Variants in PKLR observed in about 807,000 individuals in gnomAD.
PKLR encodes pyruvate kinase L/R.
Under a neutral mutation model 53.6 loss-of-function variants are expected in PKLR, and 38 were observed. That is an observed-to-expected ratio of 0.71 (90% CI 0.55 to 0.93). The LOEUF is 0.93. Among genes scored for constraint, PKLR ranks in the 40% least tolerant of loss-of-function variants. PKLR has a pLI of 0.00. For missense variants in PKLR, 702 were observed against 787.3 expected (o/e 0.89, Z 1.30); for synonymous variants, 328 against 316.2 (o/e 1.04, Z -0.39).
chr1:155,298,958 CTTTCTTTCTTTCTTT>C (rs1647768796), intron 2 of PKLR, among the ~76,000 whole-genome samples: 1 of 20,388 alleles, frequency 4.9e-5, no homozygotes, highest in Non-Finnish European at 8.9e-5. Flanking sequence ...TCACTCCTTT[CTTTCTTTCTTTCTTT>C]CTTTCTTTCT....
intron 2 of PKLR, among the ~76,000 whole-genome samples, chr1:155,296,572 T>C (rs1647611459): frequency 6.6e-6 from 1 of 152,142 alleles, no homozygotes; most frequent in South Asian, 2.1e-4. Flanking sequence ...CTTGAACTCT[T>C]GACCTCAGGT....
intron 2 of PKLR, among the ~76,000 whole-genome samples, chr1:155,299,118 C>T (rs375675101): frequency 1.0e-4 from 15 of 148,400 alleles, no homozygotes; most frequent in African/African-American, 3.7e-4. Context: ...TCTTTCCTTC[C>T]TTCCTTCCCT....
intron 2 of PKLR, among the ~76,000 whole-genome samples, chr1:155,296,331 C>T (rs1182341450): frequency 1.3e-5 from 2 of 151,912 alleles, no homozygotes; most frequent in East Asian, 1.9e-4. Flanking sequence ...CCATGTTTTC[C>T]TTTTCTTTTT....
rs1553231361 is a variant in PKLR, at chr1:155,299,035, T to TTTC, written c.283+1062_283+1063insGAA. Among the ~76,000 whole-genome samples, 155 of 50,446 alleles carry TTTC rather than the reference T, an allele frequency of 3.1e-3. 4 individuals are homozygous for TTTC. The highest frequency in any genetic ancestry group is 4.1e-3 in the Non-Finnish European group (124 of 30,454). The allele number at this position is 50,446 out of a possible 152,430, so 33.1% of individuals were successfully genotyped here. A position where few individuals can be genotyped will look rare whatever the true frequency, so the allele number is the denominator to read the frequency against. On this transcript the variant is annotated intron_variant, in intron 2 of 10. Transcript: ENST00000342741. ...CTTTCTTTCTTTCTTTCTTTCTTTC[T>TTTC]CTTTCTTTCTTTCTTTCCTTCCTTC...
At chr1:155,294,866 C>T in intron 5 of PKLR, 114 bp from the exon 6 acceptor site, 1 of 1,332,678 alleles carries the variant, frequency 7.5e-7, no homozygotes, top group Admixed American at 1.9e-5. Flanking sequence ...TCCTCCTCAT[C>T]TCTCCGCCCT....
At chr1:155,307,768 G>A in the PKLR span, among the ~76,000 whole-genome samples, 3 of 152,134 alleles carry the variant, frequency 2.0e-5, no homozygotes, top group Non-Finnish European at 2.9e-5. Context: ...CTTGAGGTCA[G>A]GAGTTCGAGA....
chr1:155,302,256 A>T (rs1343420818), upstream of PKLR, among the ~76,000 whole-genome samples: 15 of 87,770 alleles, frequency 1.7e-4, no homozygotes, highest in East Asian at 3.9e-4. Context: ...TTTTTTTTTG[A>T]GACTGAGTCT....
At position 155,295,813 on chromosome 1, in the gene PKLR, A is replaced by C; in HGVS notation, c.284-57T>G. ...TCCCCCAGAACATGAGAGGCAACCA[A>C]ACCCAACCCATTACCATTCTCAGAA... On this transcript the variant is annotated intron_variant, in intron 2 of 10. Coordinates refer to ENST00000342741, the MANE Select transcript of PKLR (RefSeq NM_000298.6). This position sits in a 1 kb window ranked among gnomAD's most constrained non-coding sequence, Gnocchi z 4.3. The C allele has an allele frequency of 6.9e-7, 1 of 1,449,838 alleles. No homozygotes were observed. The allele number at this position is 1,449,838 out of a possible 1,614,324, so 89.8% of individuals were successfully genotyped here.
Position 155,290,287 on chromosome 1 carries a change from T to G in PKLR, c.*285A>C. The G allele has an allele frequency of 2.0e-6, 1 of 488,098 alleles. No individual in the cohort carries two copies. The highest frequency in any genetic ancestry group is 2.3e-5 in the South Asian group (1 of 43,908). 30.2% of individuals were successfully genotyped at this position (488,098 alleles called of 1,614,324 possible). ...AGACTCAAGGCATCTTAGGGCCTGCTGAGCAGATTGGATGCAGGGAATGTA... is the reference window on the plus strand; with the variant it reads ...AGACTCAAGGCATCTTAGGGCCTGCGGAGCAGATTGGATGCAGGGAATGTA... On this transcript the variant is annotated 3_prime_UTR_variant, in exon 11 of 11. Coordinates refer to ENST00000342741, the MANE Select transcript of PKLR (RefSeq NM_000298.6).
chr1:155,295,374 G>A lies in PKLR; in HGVS notation c.507+63C>T. Reference sequence around the variant, plus strand: ...GGGACCCGCCCCTGCCCACGCCTGGGCCCAACCCTACAGGCGCCGCCTTTC... The same window carrying A: ...GGGACCCGCCCCTGCCCACGCCTGGACCCAACCCTACAGGCGCCGCCTTTC... On this transcript the variant is annotated intron_variant, in intron 4 of 10. Transcript: ENST00000342741. The surrounding 1 kb of genome is among the most constrained non-coding windows in gnomAD (Gnocchi z 4.3). The A allele has an allele frequency of 3.7e-6, 6 of 1,612,742 alleles. No individual in the cohort carries two copies. The highest frequency in any genetic ancestry group is 4.2e-6 in the Non-Finnish European group (5 of 1,179,332).
chr1:155,299,002 CTTTCT>C (rs775620826), intron 2 of PKLR, among the ~76,000 whole-genome samples: 255 of 100,886 alleles, frequency 2.5e-3, no homozygotes, highest in South Asian at 4.7e-3. Flanking sequence ...TTCTTTCTTT[CTTTCT>C]TTCTTTCTTT....
At chr1:155,301,057 G>T in intron 1 of PKLR, 1 of 1,536,908 alleles carries the variant, frequency 6.5e-7, no homozygotes. Flanking sequence ...CCAGAGTCCA[G>T]GAACCACGGG....
At chr1:155,301,777 A>C (rs1648009085), upstream of PKLR, among the ~76,000 whole-genome samples, 1 of 152,094 alleles carries the variant, frequency 6.6e-6, no homozygotes, top group Admixed American at 6.6e-5. Context: ...CTGTGATAAT[A>C]TGGTGGGGGG....
intron 5 of PKLR, 108 bp from the exon 6 acceptor site, chr1:155,294,860 C>T: frequency 7.4e-7 from 1 of 1,355,228 alleles, no homozygotes; most frequent in Non-Finnish European, 1.0e-6. Context: ...ACCATGTCCT[C>T]CTCATCTCTC....
upstream of PKLR, among the ~76,000 whole-genome samples, chr1:155,305,506 G>A (rs1208338722): frequency 1.3e-5 from 2 of 152,206 alleles, no homozygotes. Context: ...TCTGTATATA[G>A]AAGACACAAC....
At chr1:155,307,128 T>C in the PKLR span, among the ~76,000 whole-genome samples, 1 of 152,124 alleles carries the variant, frequency 6.6e-6, no homozygotes, top group African/African-American at 2.4e-5. Context: ...TTGGCCAGGC[T>C]GGTCTTGAAC....
rs8177962 is a variant in PKLR, at chr1:155,300,200, G to A, written c.181C>T (p.Leu61=). The A allele has an allele frequency of 2.3e-3, 3,711 of 1,613,152 alleles. 38 individuals are homozygous for A. Among genetic ancestry groups the A allele is most frequent in the South Asian group, 0.015 (1,332 of 91,072 alleles). Residue 61 remains leucine (L), a synonymous_variant, in exon 2 of 11, where the codon CTG becomes TTG. Transcript: ENST00000342741. The stretch of plus-strand genomic sequence containing the variant: ...AAGGTGTCTGCCATAGCAGCTGGCA[G>A]CTGCTGCTGCTGGAAGAAGGCAGTG... ...LGTAFFQQQQ[L]PAAMADTFLE...
intron 2 of PKLR, among the ~76,000 whole-genome samples, chr1:155,297,699 C>T (rs913038659): frequency 1.3e-5 from 2 of 151,972 alleles, no homozygotes; most frequent in South Asian, 2.1e-4. Flanking sequence ...CGGAGGAAAA[C>T]GCAACTCAAA....
At chr1:155,299,010 CT>C (rs1236212786) in intron 2 of PKLR, among the ~76,000 whole-genome samples, 20 of 102,006 alleles carry the variant, frequency 2.0e-4, no homozygotes, top group East Asian at 4.9e-4. Context: ...TTCTTTCTTT[CT>C]TTCTTTCTTT....
Sources: allele counts gnomAD v4.1 joint callset (sites outside exome capture counted in the v4.1 genomes callset), GRCh38; gene constraint gnomAD v4.1.1; non-coding constraint Gnocchi (gnomAD v3.1); transcripts MANE v1.5; gene names NCBI Gene and HGNC (gene_info 2026-07-23, HGNC 2026-07-21).